The following C12orf42 variants were observed in gnomAD, a reference collection of about 807,000 sequenced individuals.
C12orf42 encodes the protein chromosome 12 open reading frame 42.
In C12orf42, 25 loss-of-function variants were observed where a neutral mutation model predicts 21.6. The ratio of observed to expected loss-of-function variants is 1.16; its 90% CI spans 0.84 to 1.62. The LOEUF (loss-of-function observed/expected upper bound fraction) is 1.62. Ranked by LOEUF, C12orf42 falls within the 40% of genes most tolerant of loss-of-function variation. C12orf42 has a pLI of 0.00. For missense variants in C12orf42, 483 were observed against 459.3 expected (o/e 1.05, Z -0.47); for synonymous variants, 174 against 175.0 (o/e 0.99, Z 0.05).
chr12:103,318,046 A>C (rs1258029869), intron 4 of C12orf42, among the ~76,000 whole-genome samples: 2 of 152,144 alleles, frequency 1.3e-5, no homozygotes, highest in Non-Finnish European at 2.9e-5. Flanking sequence ...TCACGTCTGT[A>C]ATCTCAGCAC....
At chr12:103,322,114 C>T (rs545691521) in intron 4 of C12orf42, among the ~76,000 whole-genome samples, 15 of 93,194 alleles carry the variant, frequency 1.6e-4, no homozygotes, top group South Asian at 3.5e-4. Flanking sequence ...CGCGTGCGTG[C>T]GCGCGCGCGC....
At chr12:103,495,567 G>A (rs983498611) in intron 1 of C12orf42, among the ~76,000 whole-genome samples, 1 of 151,940 alleles carries the variant, frequency 6.6e-6, no homozygotes, top group Admixed American at 6.6e-5. Flanking sequence ...CGCTGTCAAT[G>A]CATCACCTGC....
At chr12:103,247,375 G>A (rs535578715) in intron 10 of C12orf42, among the ~76,000 whole-genome samples, 11 of 151,486 alleles carry the variant, frequency 7.3e-5, no homozygotes, top group African/African-American at 2.4e-4. Context: ...ATGAAGCCTG[G>A]TAAATAAATT....
chr12:103,114,701 T>C, the C12orf42 span, among the ~76,000 whole-genome samples: 1 of 152,224 alleles, frequency 6.6e-6, no homozygotes, highest in Admixed American at 6.5e-5. Context: ...AAAAGCATAA[T>C]GCAGTATTAT....
the C12orf42 span, among the ~76,000 whole-genome samples, chr12:103,140,155 A>C: frequency 6.6e-6 from 1 of 152,186 alleles, no homozygotes; most frequent in Admixed American, 6.5e-5. Context: ...TCGGGGTGTC[A>C]TCTTTATGGC....
the C12orf42 span, among the ~76,000 whole-genome samples, chr12:103,546,936 A>G: frequency 6.6e-6 from 1 of 152,168 alleles, no homozygotes; most frequent in African/African-American, 2.4e-5. Context: ...CCTCCACTCT[A>G]TTACCCTTAG....
At chr12:103,268,369 C>T (rs1388088579), downstream of C12orf42, 6 of 152,014 alleles carry the variant, frequency 3.9e-5, no homozygotes, top group South Asian at 8.3e-4. Flanking sequence ...GTGTTTGTTG[C>T]AAAACACACC....
chr12:103,353,740 A>T (rs976889699), intron 4 of C12orf42, among the ~76,000 whole-genome samples: 1 of 152,174 alleles, frequency 6.6e-6, no homozygotes, highest in Non-Finnish European at 1.5e-5. Context: ...AACAGGAGGG[A>T]TGGAAAAATC....
At chr12:103,493,110 TCAATC>T (rs1478838135) in intron 1 of C12orf42, among the ~76,000 whole-genome samples, 29 of 152,192 alleles carry the variant, frequency 1.9e-4, no homozygotes, top group Admixed American at 1.4e-3. Flanking sequence ...TTTCCTTCAT[TCAATC>T]CATATTCTAC....
intron 3 of C12orf42, among the ~76,000 whole-genome samples, chr12:103,388,406 C>T (rs2046802460): frequency 6.6e-6 from 1 of 152,158 alleles, no homozygotes; most frequent in Admixed American, 6.5e-5. Flanking sequence ...ATTCTGGATC[C>T]CCTGCCCCAT....
chr12:103,207,469 C>T, the C12orf42 span, among the ~76,000 whole-genome samples: 1 of 152,226 alleles, frequency 6.6e-6, no homozygotes, highest in African/African-American at 2.4e-5. Context: ...CACAGATGTG[C>T]TCACATTCAT....
At chr12:103,531,774 G>T in the C12orf42 span, among the ~76,000 whole-genome samples, 1 of 152,162 alleles carries the variant, frequency 6.6e-6, no homozygotes, top group Non-Finnish European at 1.5e-5. Flanking sequence ...TTTCCAGATT[G>T]GTGCTTCAGT....
chr12:103,201,623 T>G, the C12orf42 span, among the ~76,000 whole-genome samples: 2 of 152,186 alleles, frequency 1.3e-5, no homozygotes, highest in Non-Finnish European at 2.9e-5. Context: ...CTTCAGCAAC[T>G]CCTCACGTAG....
At chr12:103,206,062 G>A in the C12orf42 span, among the ~76,000 whole-genome samples, 6 of 152,178 alleles carry the variant, frequency 3.9e-5, no homozygotes, top group Non-Finnish European at 7.3e-5. Flanking sequence ...TGGCCACGGG[G>A]AACTTCTTCA....
the C12orf42 span, among the ~76,000 whole-genome samples, chr12:103,164,987 A>T: frequency 6.6e-6 from 1 of 152,222 alleles, no homozygotes; most frequent in Non-Finnish European, 1.5e-5. Flanking sequence ...ACATATGTGA[A>T]CCCTGAAAGA....
intron 3 of C12orf42, among the ~76,000 whole-genome samples, chr12:103,400,777 T>G (rs888550002): frequency 8.5e-5 from 13 of 152,102 alleles, no homozygotes; most frequent in African/African-American, 3.1e-4. Flanking sequence ...TGCTCACGAA[T>G]TTTGAAAAAG....
intron 2 of C12orf42, 197 bp downstream of exon 2, chr12:103,478,152 A>C (rs1954197964): frequency 2.0e-6 from 1 of 499,610 alleles, no homozygotes; most frequent in Non-Finnish European, 3.5e-6. Context: ...AATAGTGGGA[A>C]AAAAATAATT....
At chr12:103,468,349 C>A (rs1454299641) in intron 2 of C12orf42, among the ~76,000 whole-genome samples, 1 of 152,182 alleles carries the variant, frequency 6.6e-6, no homozygotes, top group African/African-American at 2.4e-5. Context: ...CCAAATGTAA[C>A]CTGTGCATGG....
the C12orf42 span, among the ~76,000 whole-genome samples, chr12:103,220,710 C>T: frequency 6.6e-6 from 1 of 152,182 alleles, no homozygotes; most frequent in Admixed American, 6.5e-5. Flanking sequence ...CCGCTCCCTC[C>T]CTCTTTTCTG....
Sources: allele counts gnomAD v4.1 joint callset (sites outside exome capture counted in the v4.1 genomes callset), GRCh38; gene constraint gnomAD v4.1.1; transcripts MANE v1.5; gene names NCBI Gene and HGNC (gene_info 2026-07-23, HGNC 2026-07-21).